SAMD4A: variants seen among roughly 807,000 people sequenced by gnomAD.
SAMD4A encodes protein Smaug homolog 1.
SAMD4A carries 33 observed loss-of-function variants against 81.3 expected under a neutral mutation model. The ratio of observed to expected loss-of-function variants is 0.41; its 90% CI spans 0.31 to 0.54. The LOEUF (loss-of-function observed/expected upper bound fraction) is 0.54, where lower values mean the gene tolerates loss of function less well. SAMD4A is among the 20% of genes least tolerant of loss of function. The probability of loss-of-function intolerance (pLI) is 0.37; values close to 1 mark genes in which losing one functional copy is unlikely to be tolerated. For missense variants in SAMD4A, 854 were observed against 951.1 expected, an observed-to-expected ratio of 0.90 and a Z score of 1.34; for synonymous variants, 389 against 382.1, an observed-to-expected ratio of 1.02 and a Z score of -0.21.
At chr14:54,592,616 C>A (rs532100996) in intron 2 of SAMD4A, among the ~76,000 whole-genome samples, 142 of 152,260 alleles carry the variant, frequency 9.3e-4, no homozygotes, top group African/African-American at 3.2e-3. Context: ...GCCGCTACCA[C>A]GCCTGGCTAA....
chr14:54,664,674 C>G (rs1488090483), intron 2 of SAMD4A, among the ~76,000 whole-genome samples: 1 of 151,938 alleles, frequency 6.6e-6, no homozygotes, highest in Non-Finnish European at 1.5e-5. Context: ...CTTAATGCTC[C>G]TATGATGTGA....
In SAMD4A at chr14:54,583,440, A is replaced by G. The variant is rs1594693015; in HGVS notation, c.196+15328A>G. ...GGCCTGTAGGAGGTGTTCATCTGTT[A>G]TGTGGAATGAATGGTGCCTCTTCAG... is the stretch of plus-strand genomic sequence containing the variant. On this transcript the variant is annotated intron_variant, in intron 2 of 12. Coordinates refer to ENST00000554335, the MANE Select transcript of SAMD4A (RefSeq NM_015589.6). Among the ~76,000 whole-genome samples, 3 of 152,196 alleles carry G rather than the reference A, an allele frequency of 2.0e-5. No homozygotes were observed. In the South Asian group the frequency reaches 6.2e-4, roughly 32 times the overall value.
intron 11 of SAMD4A, among the ~76,000 whole-genome samples, chr14:54,783,173 AAC>A (rs1555354484): frequency 2.0e-5 from 3 of 146,902 alleles, no homozygotes; most frequent in African/African-American, 8.1e-5. Context: ...AAAAAAAAAA[AAC>A]AAAAAGGATT....
chr14:54,565,992 C>T (rs2032918677), upstream of SAMD4A, among the ~76,000 whole-genome samples: 1 of 151,706 alleles, frequency 6.6e-6, no homozygotes, highest in African/African-American at 2.4e-5. The surrounding 1 kb of genome is among the most constrained non-coding windows in gnomAD (Gnocchi z 5.4). Flanking sequence ...GCTCCCCCCG[C>T]GTGCCGTCGC....
chr14:54,664,793 TTTAA>T (rs750438394), intron 2 of SAMD4A, among the ~76,000 whole-genome samples: 7 of 149,736 alleles, frequency 4.7e-5, no homozygotes, highest in Non-Finnish European at 8.8e-5. Flanking sequence ...TTTAAATATG[TTTAA>T]TTATGTGAAT....
intron 2 of SAMD4A, among the ~76,000 whole-genome samples, chr14:54,607,909 G>A (rs1037124713): frequency 2.6e-5 from 4 of 151,438 alleles, no homozygotes; most frequent in African/African-American, 7.3e-5. Context: ...CCCGCTACTC[G>A]GGAGGCTGAG....
chr14:54,767,073 G>A (rs1273309398), intron 8 of SAMD4A, among the ~76,000 whole-genome samples: 1 of 152,182 alleles, frequency 6.6e-6, no homozygotes, highest in African/African-American at 2.4e-5. Context: ...ATGTCAGGAT[G>A]GAGGGGCCTG....
chr14:54,752,655 G>A (rs2038137017), intron 6 of SAMD4A, among the ~76,000 whole-genome samples: 2 of 152,174 alleles, frequency 1.3e-5, no homozygotes, highest in African/African-American at 2.4e-5. Flanking sequence ...AATCGGGCAG[G>A]ACGAGAGACT....
intron 3 of SAMD4A, among the ~76,000 whole-genome samples, chr14:54,708,861 T>C (rs2036919746): frequency 6.6e-6 from 1 of 152,156 alleles, no homozygotes; most frequent in African/African-American, 2.4e-5. Context: ...AAAAAGTTAA[T>C]GACTCCAAAG....
At chr14:54,702,861 T>C (rs1024381119) in intron 3 of SAMD4A, 2 of 385,904 alleles carry the variant, frequency 5.2e-6, no homozygotes, top group South Asian at 5.1e-5. Context: ...AAACTTGCCG[T>C]TTCCACAATC....
chr14:54,784,741 A>G, intron 12 of SAMD4A, 121 bp downstream of exon 12: 1 of 891,854 alleles, frequency 1.1e-6, no homozygotes, highest in Non-Finnish European at 1.9e-6. Context: ...AAGGAGGGGT[A>G]GGCAGGGGAC....
intron 2 of SAMD4A, among the ~76,000 whole-genome samples, chr14:54,654,958 A>AT (rs1248677881): frequency 1.3e-5 from 2 of 152,192 alleles, no homozygotes; most frequent in Non-Finnish European, 2.9e-5. Flanking sequence ...GATAGTCCAT[A>AT]TAGCAGAGAC....
chr14:54,693,215 A>G (rs2036496183), intron 2 of SAMD4A: 2 of 152,202 alleles, frequency 1.3e-5, no homozygotes, highest in Admixed American at 1.3e-4. Context: ...TGTTAAAGCT[A>G]AAAATAATCA....
chr14:54,697,950 G>A (rs570758100), intron 2 of SAMD4A, among the ~76,000 whole-genome samples: 1 of 152,314 alleles, frequency 6.6e-6, no homozygotes, highest in East Asian at 1.9e-4. Context: ...CAACATGGCA[G>A]CTGGCTTTCC....
intron 11 of SAMD4A, among the ~76,000 whole-genome samples, chr14:54,779,669 A>G (rs968033777): frequency 4.9e-5 from 7 of 143,262 alleles, no homozygotes; most frequent in Non-Finnish European, 7.5e-5. Context: ...TTATTCCCAC[A>G]TGGACAAGCT....
Position 54,792,026 on chromosome 14 carries a change from C to G in SAMD4A, c.*3082C>G, listed in dbSNP as rs1472025504. 1 of 152,128 alleles carries G rather than the reference C, an allele frequency of 6.6e-6. No individual in the cohort carries two copies. The highest frequency in any genetic ancestry group is 1.5e-5 in the Non-Finnish European group (1 of 68,022). 9.4% of individuals were successfully genotyped at this position (152,128 alleles called of 1,614,324 possible). ...ACATTGTCCTAGGGACAGTGGTGTTCTACAATATTATCATGTATGATGTTT... is the reference window on the plus strand; with the variant it reads ...ACATTGTCCTAGGGACAGTGGTGTTGTACAATATTATCATGTATGATGTTT... On this transcript the variant is annotated 3_prime_UTR_variant, in exon 13 of 13. Coordinates refer to ENST00000554335, the MANE Select transcript of SAMD4A (RefSeq NM_015589.6).
At position 54,620,520 on chromosome 14, in the gene SAMD4A, A is replaced by T. The variant is rs570401470; in HGVS notation, c.196+52408A>T. On this transcript the variant is annotated intron_variant, in intron 2 of 12. Transcript: ENST00000554335. ...AGAAGATCTCCAAATGAGGCAAATG[A>T]TAATAAATGCCACAGATTTATATGG... Among the ~76,000 whole-genome samples, 6 of 152,342 alleles carry T rather than the reference A, an allele frequency of 3.9e-5. No homozygotes were observed. The East Asian group carries it at 1.2e-3, about 29-fold the overall frequency.
rs770783084 is a variant in SAMD4A, at chr14:54,760,192, C to G, written c.1208C>G (p.Pro403Arg). Residue 403 changes from proline (P) to arginine (R), a missense_variant, in exon 7 of 13, where the codon CCG becomes CGG. Transcript: ENST00000554335. ...DIIEGGSLRIPLQELHQMILT... is the reference protein window; with the variant it reads ...DIIEGGSLRIRLQELHQMILT... ...ATCGAGGGGGGCAGCCTGCGCATCC[C>G]GCTCCAGGAACTGCACCAGATGATC... 1 of 1,612,978 alleles carries G rather than the reference C, an allele frequency of 6.2e-7. No homozygotes were observed. Among genetic ancestry groups the G allele is most frequent in the African/African-American group, 1.3e-5 (1 of 74,846 alleles).
chr14:54,605,236 T>C (rs978710826), intron 2 of SAMD4A, among the ~76,000 whole-genome samples: 1 of 151,806 alleles, frequency 6.6e-6, no homozygotes, highest in Admixed American at 6.6e-5. Context: ...AAGCTCCCTG[T>C]GCACCAAAAA....
Sources: gnomAD v4.1 joint callset for allele counts (sites outside exome capture counted in the v4.1 genomes callset) on GRCh38, gnomAD v4.1.1 for gene constraint, Gnocchi (gnomAD v3.1) non-coding constraint, MANE v1.5 for transcripts, NCBI Gene and HGNC (gene_info 2026-07-23, HGNC 2026-07-21) for gene names.